The following COL15A1 variants were observed in gnomAD, a reference collection of about 807,000 sequenced individuals.
COL15A1 encodes collagen alpha-1(XV) chain.
Under a neutral mutation model 165.9 loss-of-function variants are expected in COL15A1, and 111 were observed. That is an observed-to-expected ratio of 0.67 (90% CI 0.57 to 0.78). COL15A1 has a LOEUF of 0.78. Ranked by LOEUF, COL15A1 falls within the 30% of genes least tolerant of loss-of-function variation. COL15A1 has a pLI of 0.00. For missense variants in COL15A1, 1,745 were observed against 1,789.7 expected (o/e 0.98, Z 0.45); for synonymous variants, 659 against 674.8 (o/e 0.98, Z 0.36).
chr9:98,950,023 T>C (rs1244453580), intron 2 of COL15A1, among the ~76,000 whole-genome samples: 1 of 152,392 alleles, frequency 6.6e-6, no homozygotes, highest in African/African-American at 2.4e-5. Flanking sequence ...CAGTACTTCA[T>C]GCCTTTTTAT....
rs956050078 is a variant in COL15A1, at chr9:99,015,425, C to A, written c.1362C>A (p.Ser454Arg). ...TGCCAATTTCATTTCAGGGTCCAAG[C>A]AGTGAAGACAGTTTAACAACAGCTG... ...SLGEEATVGP[S>R]SEDSLTTAAA... is the part of the protein sequence containing the mutation. Residue 454 changes from serine (S) to arginine (R), a missense_variant, in exon 10 of 42, where the codon AGC (serine) becomes AGA (arginine). By Grantham distance (110) the Ser-to-Arg change is moderately radical (BLOSUM62 -1). Transcript: ENST00000375001. 6 of 1,606,672 alleles carry A rather than the reference C, an allele frequency of 3.7e-6. No individual in the cohort carries two copies. The highest frequency in any genetic ancestry group is 4.3e-6 in the Non-Finnish European group (5 of 1,174,376).
chr9:99,009,888 G>T (rs566464244), intron 9 of COL15A1, among the ~76,000 whole-genome samples: 1 of 152,296 alleles, frequency 6.6e-6, no homozygotes, highest in East Asian at 1.9e-4. Context: ...TAAGGAGTGG[G>T]TTAATGCTCC....
Position 99,066,599 on chromosome 9 carries a change from GTTT to G in COL15A1, c.3652-260_3652-258del, listed in dbSNP as rs67961829. Among the ~76,000 whole-genome samples the G allele has an allele frequency of 8.2e-4, 58 of 71,028 alleles. 1 individual carries two copies. The highest frequency in any genetic ancestry group is 2.1e-3 in the African/African-American group (41 of 19,122). 46.6% of individuals were successfully genotyped at this position (71,028 alleles called of 152,430 possible). On this transcript the variant is annotated intron_variant, in intron 39 of 41. Coordinates refer to ENST00000375001, the MANE Select transcript of COL15A1 (RefSeq NM_001855.5). ...TTTGGTCCAAGCAATATTTTGTTCT[GTTT>G]TTTTTTTTTTTTTTTTTTTTTTCAC...
chr9:99,011,235 T>C (rs1838842725), intron 9 of COL15A1, among the ~76,000 whole-genome samples: 1 of 152,148 alleles, frequency 6.6e-6, no homozygotes, highest in Non-Finnish European at 1.5e-5. Flanking sequence ...AAGTGGTTTT[T>C]TAAAAATCAA....
At chr9:99,000,062 G>T (rs1364565002) in intron 6 of COL15A1, among the ~76,000 whole-genome samples, 1 of 152,020 alleles carries the variant, frequency 6.6e-6, no homozygotes, top group Non-Finnish European at 1.5e-5. Context: ...GTAGAGATGG[G>T]GTTTCACCAT....
chr9:99,023,020 G>C (rs1588519719), intron 13 of COL15A1, among the ~76,000 whole-genome samples: 1 of 152,310 alleles, frequency 6.6e-6, no homozygotes, highest in East Asian at 1.9e-4. Flanking sequence ...GAGGCTAGTG[G>C]GAGCACTGTG....
chr9:99,034,614 A>AG, intron 17 of COL15A1, 30 bp downstream of exon 17: 1 of 1,352,918 alleles, frequency 7.4e-7, no homozygotes, highest in Non-Finnish European at 9.5e-7. Context: ...AAAAAAAAAA[A>AG]GAACTTTCTT....
chr9:99,061,823 G>C (rs1483307344), intron 36 of COL15A1, 148 bp from the exon 37 acceptor site: 1 of 715,980 alleles, frequency 1.4e-6, no homozygotes, highest in African/African-American at 1.8e-5. Context: ...ACTAATGAAG[G>C]TATATACCTC....
Position 99,042,060 on chromosome 9 carries a change from A to G in COL15A1, c.2527A>G (p.Lys843Glu), listed in dbSNP as rs1360661402. 1 of 1,611,780 alleles carries G rather than the reference A, an allele frequency of 6.2e-7. No homozygotes were observed. The highest frequency in any genetic ancestry group is 1.7e-5 in the Admixed American group (1 of 59,872). The part of the protein sequence containing the change: ...LPGFPGPRGP[K>E]GDTGLPGFPG... ...TTCCTTCCAGGGTCCTAGAGGACCAAAAGGTGACACTGGTTTACCTGGCTT... is the reference window on the plus strand; with the variant it reads ...TTCCTTCCAGGGTCCTAGAGGACCAGAAGGTGACACTGGTTTACCTGGCTT... Residue 843 changes from lysine to glutamate, a missense_variant, in exon 24 of 42, where the codon AAA becomes GAA. Transcript: ENST00000375001.
intron 24 of COL15A1, 108 bp downstream of exon 24, chr9:99,042,215 A>C: frequency 1.3e-6 from 1 of 775,098 alleles, no homozygotes; most frequent in Non-Finnish European, 2.1e-6. Context: ...GATACAATTC[A>C]CATGCCATAA....
intron 2 of COL15A1, among the ~76,000 whole-genome samples, chr9:98,958,760 C>A (rs897169700): frequency 6.6e-6 from 1 of 152,072 alleles, no homozygotes; most frequent in Non-Finnish European, 1.5e-5. Flanking sequence ...CTCTAAGATG[C>A]CCCGCACTGG....
At position 98,986,281 on chromosome 9, in the gene COL15A1, C is replaced by T. The variant is rs894356406; in HGVS notation, c.648+169C>T. The stretch of plus-strand genomic sequence containing the variant: ...CCTGGAACCCCAAAACCTAGATTTC[C>T]ATCCTCAGTTTTCAACTTACCTTGT... On this transcript the variant is annotated intron_variant, in intron 3 of 41. Transcript: ENST00000375001. 21 of 605,684 alleles carry T rather than the reference C, an allele frequency of 3.5e-5. 1 individual carries two copies. The African/African-American group carries it at 3.5e-4, about 10-fold the overall frequency. The allele number at this position is 605,684 out of a possible 1,614,324, so 37.5% of individuals were successfully genotyped here.
chr9:98,973,924 C>G (rs557272110), intron 2 of COL15A1, among the ~76,000 whole-genome samples: 9 of 152,212 alleles, frequency 5.9e-5, no homozygotes, highest in Non-Finnish European at 1.2e-4. Context: ...GTCCAAGGCT[C>G]TAGTTTGACA....
intron 2 of COL15A1, among the ~76,000 whole-genome samples, chr9:98,975,508 T>C (rs1838127820): frequency 6.6e-6 from 1 of 152,200 alleles, no homozygotes; most frequent in Non-Finnish European, 1.5e-5. Flanking sequence ...ATCGCTGTCA[T>C]CTGTGTGGAA....
intron 5 of COL15A1, 110 bp from the exon 6 acceptor site, chr9:98,996,824 G>T (rs1376091565): frequency 3.3e-6 from 5 of 1,509,780 alleles, no homozygotes; most frequent in Non-Finnish European, 4.5e-6. Flanking sequence ...TTTCCCCTTG[G>T]TTTATTCAGC....
rs1839264145 is a variant in COL15A1, at chr9:99,034,589, A to T, written c.2079+5A>T. The T allele has an allele frequency of 1.5e-5, 7 of 460,714 alleles. No homozygotes were observed. The highest frequency in any genetic ancestry group is 6.1e-5 in the African/African-American group (1 of 16,396). The allele number at this position is 460,714 out of a possible 1,614,324, so 28.5% of individuals were successfully genotyped here. A position where few individuals can be genotyped will look rare whatever the true frequency, so the allele number is the denominator to read the frequency against. Reference sequence around the variant, plus strand: ...AATGGCTCAGTTGGTGAAAAGGTAAAAAAAAAAAAAAAAAAAAAAAAAAAA... The same window carrying T: ...AATGGCTCAGTTGGTGAAAAGGTAATAAAAAAAAAAAAAAAAAAAAAAAAA... On this transcript the variant is annotated splice_donor_5th_base_variant and intron_variant, in intron 17 of 41. Transcript: ENST00000375001.
At chr9:99,019,719 A>G (rs1838995639) in intron 11 of COL15A1, among the ~76,000 whole-genome samples, 1 of 152,008 alleles carries the variant, frequency 6.6e-6, no homozygotes, top group Non-Finnish European at 1.5e-5. Context: ...TCAAATGGGA[A>G]TCATAATCTT....
chr9:98,987,279 G>A lies in COL15A1; in HGVS notation c.649-15G>A, dbSNP rs374486435. The stretch of plus-strand genomic sequence containing the variant: ...ACGTGCAAACCGTGGCTTCTGATCC[G>A]TCTCTTTTCCCCAGGGCTCCCTCCA... On this transcript the variant is annotated splice_polypyrimidine_tract_variant and intron_variant, in intron 3 of 41. Coordinates refer to ENST00000375001, the MANE Select transcript of COL15A1 (RefSeq NM_001855.5). The A allele has an allele frequency of 8.3e-5, 133 of 1,611,680 alleles. No homozygotes were observed. In the African/African-American group the frequency reaches 8.3e-4, roughly 10 times the overall value.
chr9:99,044,934 C>T (rs1335594536), intron 26 of COL15A1, among the ~76,000 whole-genome samples, 164 bp downstream of exon 26: 1 of 152,218 alleles, frequency 6.6e-6, no homozygotes, highest in African/African-American at 2.4e-5. Flanking sequence ...ATTAAATAAA[C>T]TTTTCAGTGA....
Sources: allele counts gnomAD v4.1 joint callset (sites outside exome capture counted in the v4.1 genomes callset), GRCh38; gene constraint gnomAD v4.1.1; transcripts MANE v1.5; gene names NCBI Gene and HGNC (gene_info 2026-07-23, HGNC 2026-07-21).